The following QKI variants were observed in gnomAD, a reference collection of about 807,000 sequenced individuals.
QKI encodes KH domain-containing RNA-binding protein QKI.
QKI carries 10 observed loss-of-function variants against 39.0 expected under a neutral mutation model. The observed-to-expected ratio is 0.26, with a 90% CI of 0.16 to 0.43. The LOEUF (loss-of-function observed/expected upper bound fraction) is 0.43, where lower values mean the gene tolerates loss of function less well. Among genes scored for constraint, QKI ranks in the 20% least tolerant of loss-of-function variants. The probability of loss-of-function intolerance (pLI) is 1.00; values close to 1 mark genes in which losing one functional copy is unlikely to be tolerated. For missense variants in QKI, 218 were observed against 428.0 expected (o/e 0.51, Z 4.33); for synonymous variants, 204 against 155.4 (o/e 1.31, Z -2.33).
At chr6:163,434,991 T>C (rs986134549) in intron 1 of QKI, among the ~76,000 whole-genome samples, 1 of 152,184 alleles carries the variant, frequency 6.6e-6, no homozygotes, top group Non-Finnish European at 1.5e-5. Flanking sequence ...AATAATGGAA[T>C]AAAAGATGGG....
intron 1 of QKI, among the ~76,000 whole-genome samples, chr6:163,447,946 T>C (rs78679420): frequency 0.025 from 3,807 of 152,274 alleles, 156 homozygotes; most frequent in African/African-American, 0.086. Context: ...CAGAGATGAT[T>C]ACTGTTAATA....
chr6:163,437,455 A>T (rs566541449), intron 1 of QKI, among the ~76,000 whole-genome samples: 1 of 152,144 alleles, frequency 6.6e-6, no homozygotes. Context: ...GTGGTGATTT[A>T]CTTTTTAAAA....
chr6:163,436,573 GGAGGCC>G (rs1318462948), intron 1 of QKI, among the ~76,000 whole-genome samples: 2 of 152,090 alleles, frequency 1.3e-5, no homozygotes, highest in Admixed American at 6.5e-5. Context: ...CAGCACTTTG[GGAGGCC>G]GAGGTGGGCT....
At chr6:163,534,671 A>T (rs553728071) in intron 3 of QKI, among the ~76,000 whole-genome samples, 1 of 152,348 alleles carries the variant, frequency 6.6e-6, no homozygotes, top group East Asian at 1.9e-4. Context: ...GTTGTATGAT[A>T]CTACATACAT....
chr6:163,440,615 C>T (rs185926509), intron 1 of QKI, among the ~76,000 whole-genome samples: 14 of 152,268 alleles, frequency 9.2e-5, no homozygotes, highest in Non-Finnish European at 1.8e-4. Flanking sequence ...GATGTAGAAA[C>T]TCAATAAAAG....
chr6:163,457,924 CAG>C (rs1048361792), intron 2 of QKI, among the ~76,000 whole-genome samples: 5 of 151,916 alleles, frequency 3.3e-5, no homozygotes, highest in African/African-American at 9.7e-5. Context: ...TAAGGGTAAT[CAG>C]GGAAGAAATC....
At position 163,574,569 on chromosome 6, in the gene QKI, G is replaced by A. The variant is rs1479834222; in HGVS notation, c.*3859G>A. On this transcript the variant is annotated 3_prime_UTR_variant, in exon 8 of 8. Coordinates refer to ENST00000361752, the MANE Select transcript of QKI (RefSeq NM_006775.3). The stretch of plus-strand genomic sequence containing the variant: ...AAACATTAAACAAGAAGTTTAAGGG[G>A]GAATAACATTGGGATTTGAAAAGTT... 1.3e-5 allele frequency: 2 copies of A among 152,102 alleles called. No homozygotes were observed. The highest frequency in any genetic ancestry group is 4.8e-5 in the African/African-American group (2 of 41,404). 9.4% of individuals were successfully genotyped at this position (152,102 alleles called of 1,614,324 possible).
chr6:163,545,433 C>A (rs1029317107), intron 4 of QKI, among the ~76,000 whole-genome samples: 8 of 152,102 alleles, frequency 5.3e-5, no homozygotes, highest in Non-Finnish European at 1.0e-4. Context: ...GGTTTTAAGA[C>A]TTCCCTCAAC....
intron 3 of QKI, among the ~76,000 whole-genome samples, chr6:163,509,082 G>A (rs1253522412): frequency 6.6e-6 from 1 of 152,104 alleles, no homozygotes; most frequent in Non-Finnish European, 1.5e-5. Context: ...GAGTTGCAGT[G>A]AGCCAAGATT....
intron 3 of QKI, among the ~76,000 whole-genome samples, chr6:163,504,769 G>A (rs1182355097): frequency 6.6e-6 from 1 of 152,050 alleles, no homozygotes; most frequent in Non-Finnish European, 1.5e-5. Context: ...TGTTCTCTAG[G>A]TATCAAATCA....
intron 3 of QKI, among the ~76,000 whole-genome samples, chr6:163,500,417 G>A (rs1213405507): frequency 6.6e-6 from 1 of 152,120 alleles, no homozygotes; most frequent in African/African-American, 2.4e-5. Flanking sequence ...CATGCTGTTA[G>A]AATTCTTCAA....
chr6:163,571,676 T>C lies in QKI; in HGVS notation c.*966T>C, dbSNP rs1235667443. On this transcript the variant is annotated 3_prime_UTR_variant, in exon 8 of 8. Transcript: ENST00000361752. ...AAGGGTGCTGGTGCAGAAAAAAATA[T>C]ATATATTTTTGGAAATGTAGCATTT... 5 of 151,556 alleles carry C rather than the reference T, an allele frequency of 3.3e-5. No homozygotes were observed. Among genetic ancestry groups the C allele is most frequent in the Admixed American group, 6.6e-5 (1 of 15,222 alleles). The allele number at this position is 151,556 out of a possible 1,614,324, so 9.4% of individuals were successfully genotyped here.
At chr6:163,485,483 C>T (rs574573672) in intron 3 of QKI, among the ~76,000 whole-genome samples, 2 of 152,156 alleles carry the variant, frequency 1.3e-5, no homozygotes, top group East Asian at 1.9e-4. Context: ...TTGAAGTTCA[C>T]CCTTTGGGTA....
intron 3 of QKI, among the ~76,000 whole-genome samples, chr6:163,533,283 A>G (rs1238658622): frequency 2.0e-5 from 3 of 152,144 alleles, no homozygotes; most frequent in Admixed American, 6.5e-5. Flanking sequence ...TTCTTGCCAT[A>G]CAGATAACCC....
At chr6:163,557,122 C>T (rs1473541797) in intron 4 of QKI, among the ~76,000 whole-genome samples, 1 of 152,188 alleles carries the variant, frequency 6.6e-6, no homozygotes, top group African/African-American at 2.4e-5. Flanking sequence ...TAACATACTA[C>T]TCAGCCATTA....
intron 3 of QKI, among the ~76,000 whole-genome samples, chr6:163,505,609 C>T (rs1779045228): frequency 6.6e-6 from 1 of 152,106 alleles, no homozygotes; most frequent in African/African-American, 2.4e-5. Context: ...GCTTGTGGCC[C>T]CTTTGTTTTG....
intron 4 of QKI, among the ~76,000 whole-genome samples, chr6:163,549,251 C>T (rs570411336): frequency 6.6e-6 from 1 of 152,126 alleles, no homozygotes; most frequent in African/African-American, 2.4e-5. Context: ...TGAGCAGAGC[C>T]AATGTCTCAT....
chr6:163,526,660 G>T (rs1203018399), intron 3 of QKI, among the ~76,000 whole-genome samples: 1 of 152,096 alleles, frequency 6.6e-6, no homozygotes, highest in East Asian at 1.9e-4. Flanking sequence ...GTCTTTTTAT[G>T]GGAAACTTTT....
At chr6:163,451,697 C>G (rs1299402891) in intron 1 of QKI, among the ~76,000 whole-genome samples, 3 of 152,126 alleles carry the variant, frequency 2.0e-5, no homozygotes, top group South Asian at 4.1e-4. Context: ...CTTCAGTTCT[C>G]TGAACAACTG....
Sources: allele counts gnomAD v4.1 joint callset (sites outside exome capture counted in the v4.1 genomes callset), GRCh38; gene constraint gnomAD v4.1.1; transcripts MANE v1.5; gene names NCBI Gene and HGNC (gene_info 2026-07-23, HGNC 2026-07-21).